CSMD1: variants seen among roughly 807,000 people sequenced by gnomAD.
CSMD1 encodes CUB and Sushi multiple domains 1.
Under a neutral mutation model 417.5 loss-of-function variants are expected in CSMD1, and 213 were observed. That is an observed-to-expected ratio of 0.51 (90% confidence interval 0.46 to 0.57). CSMD1 has a LOEUF of 0.57. Ranked by LOEUF, CSMD1 falls within the 20% of genes least tolerant of loss-of-function variation. The probability of loss-of-function intolerance (pLI) is 0.00; values close to 1 mark genes in which losing one functional copy is unlikely to be tolerated. For synonymous variants in CSMD1, 2,862 were observed against 1,736.8 expected (o/e 1.65, Z -16.11); for missense variants, 6,923 against 4,529.7 (o/e 1.53, Z -15.17).
At chr8:4,154,402 A>G (rs571129408) in intron 3 of CSMD1, among the ~76,000 whole-genome samples, 7 of 152,374 alleles carry the variant, frequency 4.6e-5, no homozygotes, top group African/African-American at 1.7e-4. Context: ...GTATAAGTAT[A>G]GACAAAGGCA....
At chr8:3,091,145 T>C (rs1329252801) in intron 48 of CSMD1, among the ~76,000 whole-genome samples, 1 of 152,022 alleles carries the variant, frequency 6.6e-6, no homozygotes, top group African/African-American at 2.4e-5. Context: ...TAGTAAGAGA[T>C]TATCATCACT....
At chr8:4,101,850 A>C (rs140717977) in intron 3 of CSMD1, among the ~76,000 whole-genome samples, 1 of 152,266 alleles carries the variant, frequency 6.6e-6, no homozygotes, top group African/African-American at 2.4e-5. Context: ...ATTGAATCTG[A>C]AAATTCAAAT....
intron 1 of CSMD1, among the ~76,000 whole-genome samples, chr8:4,765,666 CT>C (rs1381496761): frequency 1.8e-4 from 28 of 152,216 alleles, no homozygotes; most frequent in African/African-American, 6.8e-4. Context: ...AGCAAACTTG[CT>C]GTGCTGGAGC....
intron 49 of CSMD1, among the ~76,000 whole-genome samples, chr8:3,063,355 C>A (rs532800763): frequency 6.6e-6 from 1 of 152,248 alleles, no homozygotes; most frequent in African/African-American, 2.4e-5. Flanking sequence ...ATAATGAGTG[C>A]TGACAAAGAT....
intron 10 of CSMD1, among the ~76,000 whole-genome samples, chr8:3,558,051 T>G (rs1244452545): frequency 6.7e-6 from 1 of 149,702 alleles, no homozygotes; most frequent in African/African-American, 2.5e-5. Context: ...CCGTGTCCAC[T>G]CCTCTGATGA....
Position 2,949,373 on chromosome 8 carries a change from A to G in CSMD1, c.10328T>C (p.Leu3443Pro), listed in dbSNP as rs762953817. ...WGLDGYVSSG[L>P]ERGGFTFQGD... ...TTGAAAAGTAAATCCTCCTCTTTCA[A>G]GTCCAGATGACACCTGACACATAGG... The change falls in exon 68 of 70, where the codon CTT becomes CCT. Residue 3443 changes from leucine to proline, a missense_variant. By Grantham distance (98) the Leu-to-Pro change is moderately conservative. Transcript: ENST00000635120. The G allele has an allele frequency of 1.9e-6, 3 of 1,597,766 alleles. No homozygotes were observed. The highest frequency in any genetic ancestry group is 1.7e-5 in the Admixed American group (1 of 58,782).
chr8:4,247,975 C>G (rs907619933), intron 3 of CSMD1, among the ~76,000 whole-genome samples: 4 of 152,152 alleles, frequency 2.6e-5, no homozygotes, highest in African/African-American at 9.7e-5. Flanking sequence ...GAAATTGCTT[C>G]AACCAACCTT....
intron 1 of CSMD1, among the ~76,000 whole-genome samples, chr8:4,782,307 T>C (rs1399081494): frequency 6.6e-5 from 10 of 152,226 alleles, no homozygotes; most frequent in Admixed American, 6.5e-4. Context: ...AATATGCTAG[T>C]TACCTTGATT....
intron 10 of CSMD1, among the ~76,000 whole-genome samples, chr8:3,520,401 T>C (rs979811526): frequency 6.6e-6 from 1 of 152,130 alleles, no homozygotes; most frequent in South Asian, 2.1e-4. Context: ...ATAAAAAGTA[T>C]ATCATCACAT....
At chr8:3,568,732 T>TAC (rs1231491228) in intron 10 of CSMD1, among the ~76,000 whole-genome samples, 1 of 151,956 alleles carries the variant, frequency 6.6e-6, no homozygotes, top group East Asian at 1.9e-4. Flanking sequence ...CATATATATA[T>TAC]ACACATATAT....
chr8:3,909,513 G>A (rs374023065), intron 5 of CSMD1, among the ~76,000 whole-genome samples: 26 of 152,264 alleles, frequency 1.7e-4, no homozygotes, highest in African/African-American at 6.3e-4. Context: ...AAGCAGGAAT[G>A]TTCCCACAGC....
chr8:4,994,498 C>T lies in CSMD1; in HGVS notation c.-82G>A, dbSNP rs1331388055. 3.1e-6 allele frequency: 4 copies of T among 1,307,794 alleles called. No individual in the cohort carries two copies. The highest frequency in any genetic ancestry group is 4.9e-5 in the East Asian group (2 of 41,080). 81.0% of individuals were successfully genotyped at this position (1,307,794 alleles called of 1,614,324 possible). A position where few individuals can be genotyped will look rare whatever the true frequency, so the allele number is the denominator to read the frequency against. ...CTATGAGCGGAGCCAAATAATCACCCGAGGGCAAGGCGAGCCGGAGAGAGA... is the reference window on the plus strand; with the variant it reads ...CTATGAGCGGAGCCAAATAATCACCTGAGGGCAAGGCGAGCCGGAGAGAGA... On this transcript the variant is annotated 5_prime_UTR_variant, in exon 1 of 70. Transcript: ENST00000635120.
chr8:4,305,698 C>A (rs1485060857), intron 3 of CSMD1, among the ~76,000 whole-genome samples: 2 of 152,204 alleles, frequency 1.3e-5, no homozygotes, highest in Non-Finnish European at 2.9e-5. Flanking sequence ...ATGTGTCCTC[C>A]TGCAAAGATG....
intron 10 of CSMD1, among the ~76,000 whole-genome samples, chr8:3,508,190 C>A (rs939203972): frequency 6.6e-6 from 1 of 152,078 alleles, no homozygotes; most frequent in Non-Finnish European, 1.5e-5. Context: ...ACCTCCTTGT[C>A]TCTTTGGTTG....
intron 1 of CSMD1, among the ~76,000 whole-genome samples, chr8:4,950,004 G>A (rs1016625615): frequency 1.3e-5 from 2 of 152,104 alleles, no homozygotes; most frequent in Non-Finnish European, 2.9e-5. Flanking sequence ...CACGACTATT[G>A]ATTGAGATTA....
chr8:4,502,313 T>C (rs919643538), intron 2 of CSMD1, among the ~76,000 whole-genome samples: 9 of 152,096 alleles, frequency 5.9e-5, no homozygotes, highest in African/African-American at 1.9e-4. Flanking sequence ...TTTACAGTAA[T>C]ACGAGGACAA....
intron 10 of CSMD1, among the ~76,000 whole-genome samples, chr8:3,558,154 G>A (rs111531484): frequency 2.8e-4 from 41 of 148,232 alleles, no homozygotes; most frequent in Middle Eastern, 3.7e-3. Flanking sequence ...ATGATGAATG[G>A]TGCCTCAATA....
intron 1 of CSMD1, among the ~76,000 whole-genome samples, chr8:4,926,465 G>C (rs975618750): frequency 2.6e-5 from 4 of 152,124 alleles, no homozygotes; most frequent in South Asian, 2.1e-4. Context: ...AGAAGCTTTG[G>C]AATTTCAAAA....
chr8:4,290,801 C>A (rs1167908079), intron 3 of CSMD1, among the ~76,000 whole-genome samples: 3 of 152,240 alleles, frequency 2.0e-5, no homozygotes, highest in East Asian at 3.9e-4. Flanking sequence ...CTTTTACTTT[C>A]AAGAAATCAC....
Sources: allele counts gnomAD v4.1 joint callset (sites outside exome capture counted in the v4.1 genomes callset), GRCh38; gene constraint gnomAD v4.1.1; transcripts MANE v1.5; gene names NCBI Gene and HGNC (gene_info 2026-07-23, HGNC 2026-07-21).